The following BACH2 variants were observed in gnomAD, a reference collection of about 807,000 sequenced individuals.
BACH2 encodes BACH transcriptional regulator 2, also known as transcription regulator protein BACH2.
BACH2 carries 5 observed loss-of-function variants against 61.8 expected under a neutral mutation model. The observed-to-expected ratio is 0.08, with a 90% CI of 0.04 to 0.17. The LOEUF (loss-of-function observed/expected upper bound fraction) is 0.17, where lower values mean the gene tolerates loss of function less well. Among genes scored for constraint, BACH2 ranks in the 10% least tolerant of loss-of-function variants. BACH2 has a pLI of 1.00. For synonymous variants in BACH2, 446 were observed against 440.1 expected (o/e 1.01, Z -0.17); for missense variants, 824 against 1,091.1 (o/e 0.76, Z 3.45).
At chr6:90,277,334 G>A (rs1771725213) in intron 1 of BACH2, among the ~76,000 whole-genome samples, 1 of 152,172 alleles carries the variant, frequency 6.6e-6, no homozygotes, top group African/African-American at 2.4e-5. Flanking sequence ...TCAATATGGT[G>A]TCATGCACAA....
At chr6:89,942,335 C>G (rs1265615502) in intron 7 of BACH2, among the ~76,000 whole-genome samples, 1 of 152,198 alleles carries the variant, frequency 6.6e-6, no homozygotes, top group African/African-American at 2.4e-5. Context: ...AGGCTCTCGG[C>G]ACTCAAAACA....
intron 4 of BACH2, among the ~76,000 whole-genome samples, chr6:90,199,991 T>C (rs919736796): frequency 6.6e-6 from 1 of 152,148 alleles, no homozygotes; most frequent in South Asian, 2.1e-4. Flanking sequence ...TCACAAATGA[T>C]CGCAGACCCT....
At chr6:90,079,944 T>C (rs1207606641) in intron 5 of BACH2, among the ~76,000 whole-genome samples, 1 of 151,934 alleles carries the variant, frequency 6.6e-6, no homozygotes, top group Non-Finnish European at 1.5e-5. Flanking sequence ...CTCAGGACTT[T>C]CAGGGAAAAC....
intron 5 of BACH2, among the ~76,000 whole-genome samples, chr6:90,059,981 G>T (rs1221626216): frequency 1.7e-5 from 2 of 115,128 alleles, no homozygotes; most frequent in South Asian, 7.3e-4. Context: ...GTTGTGGGGT[G>T]GGGGGAGGGG....
At chr6:90,184,807 C>T (rs1768295453) in intron 4 of BACH2, among the ~76,000 whole-genome samples, 3 of 152,194 alleles carry the variant, frequency 2.0e-5, no homozygotes, top group African/African-American at 7.2e-5. Flanking sequence ...CAAGCAGTTG[C>T]CTATGGTATG....
rs1387146843 is a variant in BACH2, at chr6:90,100,742, C to CACAT, written c.-161-11634_-161-11633insATGT. Among the ~76,000 whole-genome samples the CACAT allele has an allele frequency of 7.9e-5, 12 of 151,836 alleles. 1 individual carries two copies. Among genetic ancestry groups the CACAT allele is most frequent in the African/African-American group, 2.9e-4 (12 of 41,364 alleles). ...ACACACACACAGACACACACACACACACACACACCCTCTATTGGTTCTATT... is the reference window on the plus strand; with the variant it reads ...ACACACACACAGACACACACACACACACATACACACACCCTCTATTGGTTCTATT... On this transcript the variant is annotated intron_variant, in intron 4 of 8. Coordinates refer to ENST00000257749, the MANE Select transcript of BACH2 (RefSeq NM_021813.4).
chr6:90,185,084 T>C (rs1768307798), intron 4 of BACH2, among the ~76,000 whole-genome samples: 1 of 152,150 alleles, frequency 6.6e-6, no homozygotes, highest in Non-Finnish European at 1.5e-5. Flanking sequence ...TGGCTGCGTA[T>C]CAGGAAGACT....
chr6:90,097,003 TC>T (rs1339525134), intron 4 of BACH2, among the ~76,000 whole-genome samples: 1 of 152,234 alleles, frequency 6.6e-6, no homozygotes, highest in Non-Finnish European at 1.5e-5. Context: ...CAGGGCTGAC[TC>T]CTGGCTTGTT....
At position 89,974,470 on chromosome 6, in the gene BACH2, G is replaced by A. The variant is rs560118855; in HGVS notation, c.244-22608C>T. On this transcript the variant is annotated intron_variant, in intron 6 of 8. Coordinates refer to ENST00000257749, the MANE Select transcript of BACH2 (RefSeq NM_021813.4). Reference sequence around the variant, plus strand: ...GATAAAACAGAGTCCTTTTCTTAGTGCTGGGTCAGATAATTTTTTAAGACT... The same window carrying A: ...GATAAAACAGAGTCCTTTTCTTAGTACTGGGTCAGATAATTTTTTAAGACT... 1.8e-4 allele frequency among the ~76,000 whole-genome samples: 28 copies of A among 152,318 alleles called. No individual in the cohort carries two copies. In the South Asian group the frequency reaches 5.6e-3, roughly 30 times the overall value.
intron 3 of BACH2, among the ~76,000 whole-genome samples, chr6:90,236,388 C>T (rs1455982740): frequency 6.6e-6 from 1 of 152,192 alleles, no homozygotes; most frequent in East Asian, 1.9e-4. Flanking sequence ...AGAAAGAGTT[C>T]ACACAATTAG....
At chr6:90,029,474 T>C (rs1778834254) in intron 5 of BACH2, among the ~76,000 whole-genome samples, 1 of 152,114 alleles carries the variant, frequency 6.6e-6, no homozygotes, top group South Asian at 2.1e-4. Context: ...AACCCCAGCC[T>C]CCCACCTCAC....
chr6:90,078,460 A>C (rs117882127), intron 5 of BACH2, among the ~76,000 whole-genome samples: 20 of 152,300 alleles, frequency 1.3e-4, no homozygotes, highest in Non-Finnish European at 2.5e-4. Flanking sequence ...TAGTAACCTA[A>C]GAAGAAGCAA....
chr6:89,987,332 C>A, intron 6 of BACH2, among the ~76,000 whole-genome samples: 1 of 152,092 alleles, frequency 6.6e-6, no homozygotes. Context: ...ATGCAGAAAG[C>A]GAGTCACGCC....
At chr6:90,148,828 T>C (rs1784712011) in intron 4 of BACH2, among the ~76,000 whole-genome samples, 1 of 152,216 alleles carries the variant, frequency 6.6e-6, no homozygotes, top group Admixed American at 6.5e-5. Flanking sequence ...ATGTTGTTTT[T>C]TGATAAAGAG....
intron 1 of BACH2, among the ~76,000 whole-genome samples, chr6:90,296,221 C>T (rs1772375891): frequency 1.3e-5 from 2 of 152,092 alleles, no homozygotes; most frequent in Middle Eastern, 3.4e-3. Context: ...GCCTCGGCCG[C>T]CGTAAACAGC....
chr6:89,944,934 A>G (rs994899410), intron 7 of BACH2, among the ~76,000 whole-genome samples: 2 of 152,180 alleles, frequency 1.3e-5, no homozygotes, highest in African/African-American at 4.8e-5. Flanking sequence ...AATTTCCAAC[A>G]TCTAAAAACA....
At chr6:90,219,263 T>C (rs1314314053) in intron 3 of BACH2, among the ~76,000 whole-genome samples, 3 of 152,178 alleles carry the variant, frequency 2.0e-5, no homozygotes, top group Non-Finnish European at 4.4e-5. Flanking sequence ...TGACACACTG[T>C]AACAATCTGT....
intron 4 of BACH2, among the ~76,000 whole-genome samples, chr6:90,195,059 T>G (rs1223089604): frequency 6.6e-6 from 1 of 152,194 alleles, no homozygotes; most frequent in Admixed American, 6.5e-5. Context: ...TCAGTTTCAA[T>G]CTCTATTGGA....
In BACH2 at chr6:89,943,756, C is replaced by T. The variant is rs142920399; in HGVS notation, c.1837-5406G>A. Among the ~76,000 whole-genome samples the T allele has an allele frequency of 4.3e-3, 652 of 152,274 alleles. 4 individuals are homozygous for T. Among genetic ancestry groups the T allele is most frequent in the African/African-American group, 0.015 (622 of 41,542 alleles). On this transcript the variant is annotated intron_variant, in intron 7 of 8. Coordinates refer to ENST00000257749, the MANE Select transcript of BACH2 (RefSeq NM_021813.4). Reference sequence around the variant, plus strand: ...TTCCTGTAGAAATCTCAGTGGAAGACTAGTTTGTTAATATTTTTTCCTACT... The same window carrying T: ...TTCCTGTAGAAATCTCAGTGGAAGATTAGTTTGTTAATATTTTTTCCTACT...
Sources: gnomAD v4.1 joint callset for allele counts (sites outside exome capture counted in the v4.1 genomes callset) on GRCh38, gnomAD v4.1.1 for gene constraint, MANE v1.5 for transcripts, NCBI Gene and HGNC (gene_info 2026-07-23, HGNC 2026-07-21) for gene names.